Variants in NR3C1 observed in about 807,000 individuals in gnomAD.
The protein encoded by NR3C1 is glucocorticoid receptor.
A neutral mutation model predicts 74.0 loss-of-function variants in NR3C1; 14 were observed. The ratio of observed to expected loss-of-function variants is 0.19; its 90% CI spans 0.12 to 0.30. NR3C1 has a LOEUF of 0.30. Among genes scored for constraint, NR3C1 ranks in the 10% least tolerant of loss-of-function variants. The pLI is 1.00. For missense variants in NR3C1, 695 were observed against 909.8 expected, an observed-to-expected ratio of 0.76 and a Z score of 3.04; for synonymous variants, 308 against 332.5, an observed-to-expected ratio of 0.93 and a Z score of 0.80.
chr5:143,360,638 G>T (rs1832056189), intron 2 of NR3C1, among the ~76,000 whole-genome samples: 2 of 152,174 alleles, frequency 1.3e-5, no homozygotes, highest in South Asian at 2.1e-4. Context: ...GACAATAGAA[G>T]AATACAGGTC....
intron 2 of NR3C1, among the ~76,000 whole-genome samples, chr5:143,397,216 TA>T (rs1177165810): frequency 1.3e-5 from 2 of 151,888 alleles, no homozygotes; most frequent in African/African-American, 4.8e-5. Context: ...GGTGGCATTT[TA>T]AAAAGTCAAA....
At chr5:143,345,233 C>T (rs1366480966) in intron 2 of NR3C1, among the ~76,000 whole-genome samples, 2 of 152,112 alleles carry the variant, frequency 1.3e-5, no homozygotes, top group African/African-American at 4.8e-5. Context: ...TTTTTTGAGA[C>T]AGAGTCTAGC....
intron 7 of NR3C1, among the ~76,000 whole-genome samples, chr5:143,292,984 C>T (rs995740890): frequency 9.2e-5 from 14 of 152,128 alleles, no homozygotes; most frequent in African/African-American, 3.4e-4. Context: ...CTACAGATTT[C>T]CCTTGTGGTT....
intron 1 of NR3C1, among the ~76,000 whole-genome samples, chr5:143,428,591 A>G (rs367890242): frequency 1.8e-4 from 28 of 152,298 alleles, no homozygotes; most frequent in East Asian, 1.5e-3. Context: ...TTTTATTGGA[A>G]CACAGCACAT....
chr5:143,368,568 CCGA>C (rs1291586102), intron 2 of NR3C1, among the ~76,000 whole-genome samples: 17 of 148,912 alleles, frequency 1.1e-4, no homozygotes, highest in Non-Finnish European at 2.2e-4. Flanking sequence ...CACACACACA[CCGA>C]CAACTCAACA....
At position 143,298,892 on chromosome 5, in the gene NR3C1, TC is replaced by T. The variant is rs1261599089; in HGVS notation, c.1748-81del. 6.2e-6 allele frequency: 9 copies of T among 1,461,832 alleles called. No homozygotes were observed. The East Asian group carries it at 2.1e-4, about 34-fold the overall frequency. 90.6% of individuals were successfully genotyped at this position (1,461,832 alleles called of 1,614,324 possible). The stretch of plus-strand genomic sequence containing the variant: ...TGGGAATTGCCAAGGAGCAATGAGA[TC>T]AATTAGCCCTGTCAAAACAAGGGCA... On this transcript the variant is annotated intron_variant, in intron 5 of 8. Coordinates refer to ENST00000394464, the MANE Select transcript of NR3C1 (RefSeq NM_000176.3).
At chr5:143,321,053 C>T (rs763086888) in intron 2 of NR3C1, among the ~76,000 whole-genome samples, 18 of 152,090 alleles carry the variant, frequency 1.2e-4, no homozygotes, top group Non-Finnish European at 2.2e-4. Context: ...GAATGAAGAC[C>T]GGATTTTGTT....
rs780728102 is a variant in NR3C1, at chr5:143,363,994, T to C, written c.1184+35662A>G. ...GCAAAAAGATTATTTAAAAAAAAAA[T>C]AGTGGCAAAAGAACTTGACACATCT... On this transcript the variant is annotated intron_variant, in intron 2 of 8. Transcript: ENST00000394464. Among the ~76,000 whole-genome samples the C allele has an allele frequency of 4.6e-5, 7 of 150,590 alleles. No homozygotes were observed. The East Asian group carries it at 5.8e-4, about 13-fold the overall frequency.
intron 7 of NR3C1, chr5:143,295,045 G>A (rs1201701939): frequency 2.0e-6 from 2 of 985,246 alleles, no homozygotes; most frequent in Non-Finnish European, 2.4e-6. Flanking sequence ...TTTCTAGGAT[G>A]CGCCTTTTTC....
At chr5:143,425,100 C>T (rs1403427640) in intron 1 of NR3C1, among the ~76,000 whole-genome samples, 1 of 152,102 alleles carries the variant, frequency 6.6e-6, no homozygotes, top group Non-Finnish European at 1.5e-5. Flanking sequence ...TGCCTACAGT[C>T]AACTGATTTT....
At chr5:143,328,364 A>T (rs1221071552) in intron 2 of NR3C1, among the ~76,000 whole-genome samples, 2 of 152,104 alleles carry the variant, frequency 1.3e-5, no homozygotes, top group Non-Finnish European at 2.9e-5. Flanking sequence ...TGCCCCGAAG[A>T]TCTCTGCCAT....
At chr5:143,405,680 A>G (rs67511105), upstream of NR3C1, among the ~76,000 whole-genome samples, 19 of 152,332 alleles carry the variant, frequency 1.2e-4, no homozygotes, top group East Asian at 3.7e-3. Context: ...TCGGAAAAGA[A>G]GAGGGAACCA....
At chr5:143,314,423 T>TC (rs1344942701) in intron 2 of NR3C1, among the ~76,000 whole-genome samples, 5 of 140,318 alleles carry the variant, frequency 3.6e-5, no homozygotes, top group African/African-American at 5.1e-5. Context: ...TTCTTCTTCT[T>TC]TTTTTTTTTT....
chr5:143,402,460 G>T (rs1472980942), intron 1 of NR3C1: 3 of 372,550 alleles, frequency 8.1e-6, no homozygotes, highest in East Asian at 1.6e-4. Flanking sequence ...AAACCATTAC[G>T]GTTACAGGGG....
In NR3C1 at chr5:143,308,456, C is replaced by T. The variant is rs547751405; in HGVS notation, c.1468+1641G>A. ...TCCAGCCTGGGTGACAAGAGTTAGA[C>T]TCTGTCTCTAAAATAATAATAATCA... On this transcript the variant is annotated intron_variant, in intron 4 of 8. Transcript: ENST00000394464. 5.9e-5 allele frequency among the ~76,000 whole-genome samples: 9 copies of T among 152,234 alleles called. No homozygotes were observed. In the East Asian group the frequency reaches 1.2e-3, roughly 20 times the overall value.
intron 1 of NR3C1, among the ~76,000 whole-genome samples, chr5:143,413,251 G>A (rs1841361130): frequency 6.6e-6 from 1 of 152,174 alleles, no homozygotes; most frequent in African/African-American, 2.4e-5. Context: ...GTGTGGATAT[G>A]GAGATGGTGG....
chr5:143,372,621 G>C (rs533338995), intron 2 of NR3C1, among the ~76,000 whole-genome samples: 2 of 152,270 alleles, frequency 1.3e-5, no homozygotes, highest in South Asian at 4.1e-4. Flanking sequence ...GAAATCCTTT[G>C]CAAGGGTTCC....
intron 1 of NR3C1, among the ~76,000 whole-genome samples, chr5:143,410,818 C>T (rs534197312): frequency 6.6e-6 from 1 of 152,130 alleles, no homozygotes; most frequent in Non-Finnish European, 1.5e-5. Flanking sequence ...TCACTTATTT[C>T]CCAGGGAATC....
intron 6 of NR3C1, among the ~76,000 whole-genome samples, chr5:143,297,811 G>T (rs1817628776): frequency 6.6e-6 from 1 of 152,192 alleles, no homozygotes; most frequent in Non-Finnish European, 1.5e-5. Context: ...AACACCAAGA[G>T]TCTAAGAGTA....
Sources: gnomAD v4.1 joint callset for allele counts (sites outside exome capture counted in the v4.1 genomes callset) on GRCh38, gnomAD v4.1.1 for gene constraint, MANE v1.5 for transcripts, NCBI Gene and HGNC (gene_info 2026-07-23, HGNC 2026-07-21) for gene names.